Variants in CCDC148 observed in about 807,000 individuals in gnomAD.
CCDC148 encodes coiled-coil domain-containing protein 148.
Under a neutral mutation model 85.7 loss-of-function variants are expected in CCDC148, and 89 were observed. The observed-to-expected ratio is 1.04, with a 90% confidence interval of 0.87 to 1.24. The LOEUF (loss-of-function observed/expected upper bound fraction) is 1.24. Among genes scored for constraint, CCDC148 ranks in the 50% most tolerant of loss-of-function variants. CCDC148 has a pLI of 0.00. For synonymous variants in CCDC148, 230 were observed against 213.9 expected (o/e 1.08, Z -0.66); for missense variants, 692 against 671.7 (o/e 1.03, Z -0.33).
At position 158,456,516 on chromosome 2, in the gene CCDC148, CG is replaced by C. The variant is rs1380032995; in HGVS notation, c.-78del. 3 of 1,549,574 alleles carry C rather than the reference CG, an allele frequency of 1.9e-6. No homozygotes were observed. In the African/African-American group the frequency reaches 4.1e-5, roughly 21 times the overall value. On this transcript the variant is annotated 5_prime_UTR_variant, in exon 1 of 14. Transcript: ENST00000283233. ...GAAACGCCCACTCCTGGGCTCTCGCCGTCAGGGGTACATCTAAGGGCTCAGC... is the reference window on the plus strand; with the variant it reads ...GAAACGCCCACTCCTGGGCTCTCGCCTCAGGGGTACATCTAAGGGCTCAGC...
At chr2:158,359,231 AC>A (rs1439633173) in intron 1 of CCDC148, among the ~76,000 whole-genome samples, 2 of 152,186 alleles carry the variant, frequency 1.3e-5, no homozygotes, top group African/African-American at 4.8e-5. Flanking sequence ...AGTAAATCGA[AC>A]AAAACATGTA....
intron 3 of CCDC148, among the ~76,000 whole-genome samples, chr2:158,344,927 A>C (rs1052605601): frequency 5.3e-5 from 8 of 152,142 alleles, no homozygotes; most frequent in African/African-American, 1.4e-4. Flanking sequence ...CCAATATGCT[A>C]AGTATGATAC....
At chr2:158,334,334 C>G (rs1574641791) in intron 7 of CCDC148, among the ~76,000 whole-genome samples, 1 of 152,222 alleles carries the variant, frequency 6.6e-6, no homozygotes, top group South Asian at 2.1e-4. Context: ...GCTGCGGTCT[C>G]ACTTATTTGA....
intron 11 of CCDC148, 83 bp from the exon 12 acceptor site, chr2:158,179,079 A>C: frequency 1.0e-6 from 1 of 977,878 alleles, no homozygotes; most frequent in Non-Finnish European, 1.6e-6. Flanking sequence ...GGGGCAGAAC[A>C]CATCTCAGAG....
intron 1 of CCDC148, among the ~76,000 whole-genome samples, chr2:158,403,630 C>T (rs1685879405): frequency 6.6e-6 from 1 of 151,926 alleles, no homozygotes; most frequent in Non-Finnish European, 1.5e-5. Context: ...ATTAAATTGG[C>T]ATTTAGTACA....
At position 158,353,047 on chromosome 2, in the gene CCDC148, C is replaced by G. The variant is rs1300468204; in HGVS notation, c.147+5402G>C. Among the ~76,000 whole-genome samples, 81 of 151,540 alleles carry G rather than the reference C, an allele frequency of 5.3e-4. 1 individual carries two copies. The highest frequency in any genetic ancestry group is 2.2e-3 in the Admixed American group (33 of 15,244). On this transcript the variant is annotated intron_variant, in intron 2 of 13. Coordinates refer to ENST00000283233, the MANE Select transcript of CCDC148 (RefSeq NM_138803.4). ...ATGCTGAGAGATTTTGTCACCACCA[C>G]GCCTGCCCTAAAAGAGCTCCTGAAG...
intron 1 of CCDC148, among the ~76,000 whole-genome samples, chr2:158,394,269 C>A (rs926045924): frequency 6.6e-6 from 1 of 151,982 alleles, no homozygotes; most frequent in Non-Finnish European, 1.5e-5. Flanking sequence ...TAAGGCAAAG[C>A]AATAATTTCC....
chr2:158,401,039 A>C (rs1685757499), intron 1 of CCDC148, among the ~76,000 whole-genome samples: 1 of 152,208 alleles, frequency 6.6e-6, no homozygotes. Context: ...ATCATTAAAA[A>C]GTCAGGAAAC....
chr2:158,381,409 A>G (rs1684863954), intron 1 of CCDC148, among the ~76,000 whole-genome samples: 1 of 152,188 alleles, frequency 6.6e-6, no homozygotes, highest in Non-Finnish European at 1.5e-5. Context: ...TTAAAACCAC[A>G]GTGCAATACC....
At chr2:158,411,913 C>T (rs1686277171) in intron 1 of CCDC148, among the ~76,000 whole-genome samples, 1 of 150,908 alleles carries the variant, frequency 6.6e-6, no homozygotes. Context: ...CATGGGTGCA[C>T]AGTGGAATCA....
chr2:158,357,023 C>T (rs1321903869), intron 2 of CCDC148, among the ~76,000 whole-genome samples: 4 of 147,926 alleles, frequency 2.7e-5, no homozygotes, highest in South Asian at 2.2e-4. Flanking sequence ...TAGGTGGGAA[C>T]TGAACAATGA....
intron 1 of CCDC148, 120 bp from the exon 2 acceptor site, chr2:158,358,690 T>A: frequency 2.1e-6 from 1 of 486,006 alleles, no homozygotes; most frequent in East Asian, 4.5e-5. Flanking sequence ...TAAGCAAATA[T>A]AAGAAATAAT....
chr2:158,317,778 G>A (rs1490814686), intron 7 of CCDC148, among the ~76,000 whole-genome samples: 1 of 152,206 alleles, frequency 6.6e-6, no homozygotes, highest in East Asian at 1.9e-4. Context: ...ACTAAACATT[G>A]TGGTTACAAA....
intron 8 of CCDC148, among the ~76,000 whole-genome samples, chr2:158,310,748 C>T (rs1242850982): frequency 6.6e-6 from 1 of 151,130 alleles, no homozygotes; most frequent in Non-Finnish European, 1.5e-5. Context: ...AGGCACTCCT[C>T]ACATCCCAGA....
chr2:158,432,530 CA>C (rs1482927353), intron 1 of CCDC148, among the ~76,000 whole-genome samples: 3 of 152,018 alleles, frequency 2.0e-5, no homozygotes, highest in Admixed American at 1.3e-4. Flanking sequence ...CACAAATAGC[CA>C]AAAATAACTC....
chr2:158,397,786 C>A (rs1456868854), intron 1 of CCDC148, among the ~76,000 whole-genome samples: 1 of 152,008 alleles, frequency 6.6e-6, no homozygotes, highest in South Asian at 2.1e-4. Flanking sequence ...ACAATATTAA[C>A]CTTAAAAGTA....
At position 158,346,055 on chromosome 2, in the gene CCDC148, T is replaced by G. The variant is rs956141751; in HGVS notation, c.148-737A>C. 2.6e-5 allele frequency among the ~76,000 whole-genome samples: 4 copies of G among 152,192 alleles called. No homozygotes were observed. The South Asian group carries it at 6.2e-4, about 24-fold the overall frequency. ...CAACTAAATGTAATTTTTCCTCAAT[T>G]TTACTACTTTTTAAAAATGTAGCAC... On this transcript the variant is annotated intron_variant, in intron 2 of 13. Transcript: ENST00000283233.
At chr2:158,197,677 A>G (rs943964220) in intron 11 of CCDC148, among the ~76,000 whole-genome samples, 1 of 152,116 alleles carries the variant, frequency 6.6e-6, no homozygotes, top group Non-Finnish European at 1.5e-5. Context: ...CTCATTTTGA[A>G]CCAATTTATG....
intron 9 of CCDC148, among the ~76,000 whole-genome samples, chr2:158,259,905 G>T (rs1350691946): frequency 6.6e-6 from 1 of 151,836 alleles, no homozygotes; most frequent in African/African-American, 2.4e-5. Flanking sequence ...GTCATTCAGT[G>T]TCCCATCCTA....
Sources: gnomAD v4.1 joint callset for allele counts (sites outside exome capture counted in the v4.1 genomes callset) on GRCh38, gnomAD v4.1.1 for gene constraint, MANE v1.5 for transcripts, NCBI Gene and HGNC (gene_info 2026-07-23, HGNC 2026-07-21) for gene names.